Variants in TMEM235 observed in about 807,000 individuals in gnomAD.
TMEM235 encodes transmembrane protein 235, also known as claudin-27.
TMEM235 carries 23 observed loss-of-function variants against 22.9 expected under a neutral mutation model. That is an observed-to-expected ratio of 1.00 (90% CI 0.72 to 1.42). TMEM235 has a LOEUF of 1.42. Among genes scored for constraint, TMEM235 ranks in the 40% most tolerant of loss-of-function variants. The probability of loss-of-function intolerance (pLI) is 0.00; values close to 1 mark genes in which losing one functional copy is unlikely to be tolerated. For synonymous variants in TMEM235, 137 were observed against 140.5 expected (o/e 0.98, Z 0.17); for missense variants, 308 against 299.5 (o/e 1.03, Z -0.21).
At chr17:78,236,227 A>G (rs949328566) in intron 4 of TMEM235, among the ~76,000 whole-genome samples, 1 of 152,160 alleles carries the variant, frequency 6.6e-6, no homozygotes, top group African/African-American at 2.4e-5. Context: ...ACTGGGTCAG[A>G]TCATGCGGGG....
At chr17:78,240,179 C>A in exon 6 of TMEM235, 1 of 797,972 alleles carries the variant, frequency 1.3e-6, no homozygotes. Context: ...GCACACTGAG[C>A]TGGCAGAGAT....
chr17:78,234,402 C>T, intron 3 of TMEM235, 191 bp from the exon 3 acceptor site: 1 of 862,062 alleles, frequency 1.2e-6, no homozygotes, highest in East Asian at 2.6e-5. Flanking sequence ...CTGGGGACGC[C>T]TCCCCTCCTG....
intron 1 of TMEM235, chr17:78,231,344 G>A: frequency 1.7e-6 from 2 of 1,175,518 alleles, no homozygotes; most frequent in South Asian, 1.5e-5. Flanking sequence ...TTTTCTCCGT[G>A]AGTGACTGGA....
At chr17:78,231,657 G>T in exon 2 of TMEM235, 1 of 1,297,712 alleles carries the variant, frequency 7.7e-7, no homozygotes, top group African/African-American at 1.5e-5. Flanking sequence ...GGCCAGGCAG[G>T]TGCATCTTGT....
chr17:78,234,926 A>G (rs937023869), intron 4 of TMEM235, among the ~76,000 whole-genome samples, 196 bp downstream of exon 3: 9 of 152,216 alleles, frequency 5.9e-5, no homozygotes, highest in African/African-American at 1.9e-4. Flanking sequence ...TCACGTTGCT[A>G]TAAAGAAATG....
At chr17:78,231,843 C>T in exon 2 of TMEM235, 1 of 1,182,736 alleles carries the variant, frequency 8.5e-7, no homozygotes, top group Non-Finnish European at 1.1e-6. Context: ...TGGGGTCGAT[C>T]TCCCTGCGAC....
rs1020975491 is a variant in TMEM235 at position 78,237,501 on chromosome 17, C to T, written c.410-1523C>T. Among the ~76,000 whole-genome samples, 1 of 152,094 alleles carries T rather than the reference C, an allele frequency of 6.6e-6. No homozygotes were observed. The highest frequency in any genetic ancestry group is 2.4e-5 in the African/African-American group (1 of 41,410). On this transcript the variant is annotated intron_variant, in intron 4 of 5. Coordinates refer to ENST00000421688, the Ensembl canonical transcript of TMEM235. The surrounding 1 kb of genome is among the most constrained non-coding windows in gnomAD (Gnocchi z 4.7). ...GGTACTTCAGGTCCCAGTTTGGGAG[C>T]TTACTCTTCACCTTCATTTTGGGAG... is the stretch of plus-strand genomic sequence containing the variant.
chr17:78,238,927 CG>C lies in TMEM235; in HGVS notation c.410-93del. ...GCCTGCAGCTCTGCCTGAATGCTAG[CG>C]GGGCCGGGGATGCTGAGGCCATGTC... On this transcript the variant is annotated intron_variant, in intron 4 of 5. Transcript: ENST00000421688. This position sits in a 1 kb window ranked among gnomAD's most constrained non-coding sequence, Gnocchi z 4.3. 1 of 1,454,846 alleles carries C rather than the reference CG, an allele frequency of 6.9e-7. No homozygotes were observed. Among genetic ancestry groups the C allele is most frequent in the Non-Finnish European group, 9.1e-7 (1 of 1,098,082 alleles). The allele number at this position is 1,454,846 out of a possible 1,614,324, so 90.1% of individuals were successfully genotyped here.
At chr17:78,240,104 C>A in exon 6 of TMEM235, 1 of 1,364,198 alleles carries the variant, frequency 7.3e-7, no homozygotes, top group African/African-American at 1.5e-5. Context: ...CTGCTGCTTC[C>A]GGCCCCCGAC....
At chr17:78,235,767 A>AT (rs995911132) in intron 4 of TMEM235, among the ~76,000 whole-genome samples, 1 of 151,664 alleles carries the variant, frequency 6.6e-6, no homozygotes, top group East Asian at 1.9e-4. Context: ...CGCCCGGCTA[A>AT]TTTTTTTGTA....
At chr17:78,239,265 G>A in exon 5 of TMEM235, 1 of 1,540,276 alleles carries the variant, frequency 6.5e-7, no homozygotes. Context: ...CCCAGCAGGT[G>A]GGAGGGAGGT....
At chr17:78,235,599 G>GTTTTT (rs71160277) in intron 4 of TMEM235, among the ~76,000 whole-genome samples, 13 of 118,798 alleles carry the variant, frequency 1.1e-4, no homozygotes, top group East Asian at 2.5e-4. Flanking sequence ...GTGCTACATA[G>GTTTTT]TTTTTTTTTT....
At position 78,233,958 on chromosome 17, in the gene TMEM235, C is replaced by A; in HGVS notation, c.254C>A (p.Ser85Ter). 1 of 1,530,516 alleles carries A rather than the reference C, an allele frequency of 6.5e-7. No individual in the cohort carries two copies. The highest frequency in any genetic ancestry group is 8.7e-7 in the Non-Finnish European group (1 of 1,144,158). 94.8% of individuals were successfully genotyped at this position (1,530,516 alleles called of 1,614,324 possible). A position where few individuals can be genotyped will look rare whatever the true frequency, so the allele number is the denominator to read the frequency against. ...AGTGAGAGCCTGGACGTCTCCACCT[C>A]GGTGCAGCACCTCATCTGTGAGTCC... is the stretch of plus-strand genomic sequence containing the variant. The change falls in exon 3 of 6, where the codon TCG becomes TAG. Residue 85 changes from serine (S) to a stop codon, truncating the protein, a stop_gained. Coordinates refer to ENST00000421688, the Ensembl canonical transcript of TMEM235. LOFTEE classifies it high-confidence loss of function.
At chr17:78,231,338 C>T (rs1461784156) in exon 1 of TMEM235, 33 of 1,164,304 alleles carry the variant, frequency 2.8e-5, no homozygotes, top group Non-Finnish European at 3.6e-5. Flanking sequence ...TGCCTGTTTT[C>T]TCCGTGAGTG....
rs972941235 is a variant in TMEM235, at chr17:78,238,031, C to G, written c.410-993C>G. ...CAGTGCCCAGAGGGGACCCTGTGCACCCAGGAAGTGCCTGTGGGGAAATCA... is the reference window on the plus strand; with the variant it reads ...CAGTGCCCAGAGGGGACCCTGTGCAGCCAGGAAGTGCCTGTGGGGAAATCA... On this transcript the variant is annotated intron_variant, in intron 4 of 5. Coordinates refer to ENST00000421688, the Ensembl canonical transcript of TMEM235. This position sits in a 1 kb window ranked among gnomAD's most constrained non-coding sequence, Gnocchi z 4.3. Among the ~76,000 whole-genome samples, 1 of 152,138 alleles carries G rather than the reference C, an allele frequency of 6.6e-6. No individual in the cohort carries two copies. Among genetic ancestry groups the G allele is most frequent in the African/African-American group, 2.4e-5 (1 of 41,414 alleles).
At chr17:78,240,356 G>T in exon 6 of TMEM235, 1 of 198,846 alleles carries the variant, frequency 5.0e-6, no homozygotes, top group Non-Finnish European at 1.1e-5. Context: ...ATGCAGGCTT[G>T]TTAAACACAG....
chr17:78,232,141 G>C, exon 2 of TMEM235: 1 of 1,488,060 alleles, frequency 6.7e-7, no homozygotes, highest in Non-Finnish European at 8.9e-7. Flanking sequence ...GGCGGACGCC[G>C]GCAATGGCAG....
At position 78,238,874 on chromosome 17, in the gene TMEM235, C is replaced by A; in HGVS notation, c.410-150C>A. The A allele has an allele frequency of 2.3e-6, 3 of 1,287,334 alleles. No individual in the cohort carries two copies. Among genetic ancestry groups the A allele is most frequent in the Non-Finnish European group, 3.1e-6 (3 of 961,498 alleles). The allele number at this position is 1,287,334 out of a possible 1,614,324, so 79.7% of individuals were successfully genotyped here. On this transcript the variant is annotated intron_variant, in intron 4 of 5. Coordinates refer to ENST00000421688, the Ensembl canonical transcript of TMEM235. The surrounding 1 kb of genome is among the most constrained non-coding windows in gnomAD (Gnocchi z 4.3). ...CGGCCAGGTTGACAGCCAGGCAGGG[C>A]TAACCATGACAGGAAGGGCGGTGTG...
exon 6 of TMEM235, chr17:78,240,039 G>A: frequency 6.7e-7 from 1 of 1,493,242 alleles, no homozygotes; most frequent in Admixed American, 2.1e-5. Flanking sequence ...TTTTCACTGA[G>A]CACTTCCGGG....
Sources: allele counts gnomAD v4.1 joint callset (sites outside exome capture counted in the v4.1 genomes callset), GRCh38; gene constraint gnomAD v4.1.1; non-coding constraint Gnocchi (gnomAD v3.1); transcripts MANE v1.5; gene names NCBI Gene and HGNC (gene_info 2026-07-23, HGNC 2026-07-21).